WDR70: variants seen among roughly 807,000 people sequenced by gnomAD.
WDR70 encodes WD repeat domain 70.
WDR70 carries 53 observed loss-of-function variants against 88.6 expected under a neutral mutation model. The ratio of observed to expected loss-of-function variants is 0.60; its 90% CI spans 0.48 to 0.75. The LOEUF is 0.75. WDR70 is among the 30% of genes least tolerant of loss of function. The pLI is 0.00. For synonymous variants in WDR70, 280 were observed against 270.0 expected, an observed-to-expected ratio of 1.04 and a Z score of -0.36; for missense variants, 610 against 823.2, an observed-to-expected ratio of 0.74 and a Z score of 3.17.
chr5:37,631,746 A>G (rs996896728), intron 10 of WDR70, among the ~76,000 whole-genome samples: 2 of 152,162 alleles, frequency 1.3e-5, no homozygotes, highest in African/African-American at 4.8e-5. Flanking sequence ...GTGAAGGGCC[A>G]TCTGAAAGGT....
chr5:37,408,981 C>T lies in WDR70; in HGVS notation c.492+12411C>T, dbSNP rs1279990862. ...TTAGATGGAGTTTCATCTTGTTGCC[C>T]AGGCTGGAGTGCAATGGTGTGATCT... On this transcript the variant is annotated intron_variant, in intron 5 of 17. Coordinates refer to ENST00000265107, the MANE Select transcript of WDR70 (RefSeq NM_018034.4). Among the ~76,000 whole-genome samples the T allele has an allele frequency of 5.9e-5, 9 of 152,168 alleles. No homozygotes were observed. The South Asian group carries it at 1.7e-3, about 28-fold the overall frequency.
chr5:37,546,681 G>C (rs552847667), intron 9 of WDR70, among the ~76,000 whole-genome samples: 1 of 152,184 alleles, frequency 6.6e-6, no homozygotes, highest in African/African-American at 2.4e-5. Flanking sequence ...GACTTTGGGA[G>C]GCTGAGGCGG....
chr5:37,517,800 G>A (rs1359937226), intron 9 of WDR70, among the ~76,000 whole-genome samples: 7 of 149,482 alleles, frequency 4.7e-5, no homozygotes, highest in Middle Eastern at 3.5e-3. Context: ...TCCTCCCTTC[G>A]TGTTACAAAC....
chr5:37,569,014 G>A (rs1742823845), intron 9 of WDR70, among the ~76,000 whole-genome samples: 1 of 152,120 alleles, frequency 6.6e-6, no homozygotes, highest in Non-Finnish European at 1.5e-5. Context: ...CCATCCAAGA[G>A]CTAGCCAGCC....
At chr5:37,387,289 G>A (rs1269741892) in intron 3 of WDR70, among the ~76,000 whole-genome samples, 9 of 152,124 alleles carry the variant, frequency 5.9e-5, no homozygotes, top group South Asian at 4.1e-4. Context: ...AGATTAAGAT[G>A]TTGGGTGTAG....
chr5:37,606,062 T>C (rs1396161912), intron 10 of WDR70, among the ~76,000 whole-genome samples: 1 of 152,170 alleles, frequency 6.6e-6, no homozygotes, highest in African/African-American at 2.4e-5. Context: ...ATAATACTTA[T>C]CAAAAATTCC....
At chr5:37,393,316 A>G (rs1748904125) in intron 4 of WDR70, among the ~76,000 whole-genome samples, 1 of 152,216 alleles carries the variant, frequency 6.6e-6, no homozygotes, top group Non-Finnish European at 1.5e-5. Flanking sequence ...CTGGGATTAC[A>G]GGTGTGAGTC....
intron 10 of WDR70, among the ~76,000 whole-genome samples, chr5:37,645,793 G>C (rs1380859146): frequency 6.6e-6 from 1 of 151,762 alleles, no homozygotes; most frequent in African/African-American, 2.4e-5. Flanking sequence ...ATCTATTCTT[G>C]CTCCTTTTTG....
chr5:37,583,625 A>T (rs1427624403), intron 9 of WDR70, among the ~76,000 whole-genome samples: 1 of 145,366 alleles, frequency 6.9e-6, no homozygotes, highest in Non-Finnish European at 1.5e-5. Flanking sequence ...GGGATCCCTT[A>T]TACTTGTGTC....
intron 6 of WDR70, among the ~76,000 whole-genome samples, chr5:37,438,492 G>T (rs1750550989): frequency 6.6e-6 from 1 of 151,926 alleles, no homozygotes; most frequent in Non-Finnish European, 1.5e-5. Flanking sequence ...ATTTAAAGAT[G>T]AATAATATAG....
chr5:37,472,270 G>C (rs577443541), intron 7 of WDR70, among the ~76,000 whole-genome samples: 82 of 151,786 alleles, frequency 5.4e-4, no homozygotes, highest in Non-Finnish European at 1.0e-3. Context: ...AAGTTCTCTT[G>C]ATTCTTTTTC....
chr5:37,706,759 ACTCT>A (rs976815676), intron 13 of WDR70, among the ~76,000 whole-genome samples: 12 of 148,696 alleles, frequency 8.1e-5, no homozygotes, highest in African/African-American at 9.9e-5. Context: ...TCACACTCAC[ACTCT>A]CTCTCTCTCT....
chr5:37,523,736 A>G (rs1741171188), intron 9 of WDR70, among the ~76,000 whole-genome samples: 1 of 152,196 alleles, frequency 6.6e-6, no homozygotes, highest in South Asian at 2.1e-4. Context: ...CCTTGAAAAA[A>G]GATTAGACGA....
At chr5:37,703,143 C>T in intron 13 of WDR70, 56 bp downstream of exon 13, 1 of 1,570,486 alleles carries the variant, frequency 6.4e-7, no homozygotes, top group Non-Finnish European at 8.7e-7. Flanking sequence ...GCCTCTTACC[C>T]ATCTTTTGGT....
chr5:37,528,777 G>T (rs1365029753), intron 9 of WDR70, among the ~76,000 whole-genome samples: 5 of 152,246 alleles, frequency 3.3e-5, no homozygotes, highest in Non-Finnish European at 5.9e-5. Context: ...TGTTAACTCT[G>T]CTGATTATTT....
At chr5:37,672,182 G>C (rs564656712) in intron 10 of WDR70, among the ~76,000 whole-genome samples, 1 of 152,070 alleles carries the variant, frequency 6.6e-6, no homozygotes, top group Admixed American at 6.6e-5. Flanking sequence ...CACAGTGCAC[G>C]GTGGAAAGCC....
chr5:37,736,267 A>C lies in WDR70; in HGVS notation c.1877+9222A>C, dbSNP rs1338074372. Reference sequence around the variant, plus strand: ...CACTTTTCTTGCCAGATAGGCTGCCATTATTTGCTGGTTCGGTCAACTTAA... The same window carrying C: ...CACTTTTCTTGCCAGATAGGCTGCCCTTATTTGCTGGTTCGGTCAACTTAA... On this transcript the variant is annotated intron_variant, in intron 17 of 17. Transcript: ENST00000265107. Among the ~76,000 whole-genome samples the C allele has an allele frequency of 2.0e-5, 3 of 152,198 alleles. No individual in the cohort carries two copies. In the East Asian group the frequency reaches 5.8e-4, roughly 29 times the overall value.
At position 37,692,332 on chromosome 5, in the gene WDR70, A is replaced by G. The variant is rs551535194; in HGVS notation, c.1093-5323A>G. ...ATTCCTTCTGGAACTATTACAATCA[A>G]TGGAAAAAGAGGGAATCCTCCCTAA... On this transcript the variant is annotated intron_variant, in intron 10 of 17. Coordinates refer to ENST00000265107, the MANE Select transcript of WDR70 (RefSeq NM_018034.4). 4.6e-5 allele frequency among the ~76,000 whole-genome samples: 7 copies of G among 152,300 alleles called. No individual in the cohort carries two copies. In the East Asian group the frequency reaches 1.2e-3, roughly 25 times the overall value.
intron 5 of WDR70, among the ~76,000 whole-genome samples, chr5:37,399,202 T>C (rs1303256464): frequency 1.3e-5 from 2 of 152,130 alleles, no homozygotes; most frequent in East Asian, 1.9e-4. Context: ...GGCGTGAACC[T>C]GGGAGGCAGA....
Sources: gnomAD v4.1 joint callset for allele counts (sites outside exome capture counted in the v4.1 genomes callset) on GRCh38, gnomAD v4.1.1 for gene constraint, MANE v1.5 for transcripts, NCBI Gene and HGNC (gene_info 2026-07-23, HGNC 2026-07-21) for gene names.